Variants in ABTB3 observed in about 807,000 individuals in gnomAD.
ABTB3 encodes the protein ankyrin repeat and BTB domain containing 3, also known as ankyrin repeat- and BTB/POZ domain-containing protein 3.
the ABTB3 span, among the ~76,000 whole-genome samples, chr12:107,462,580 C>T: frequency 4.7e-5 from 7 of 150,060 alleles, no homozygotes; most frequent in East Asian, 6.0e-4. Flanking sequence ...ATAATGGTGG[C>T]GATAGTGATT....
chr12:107,395,323 C>T, the ABTB3 span, among the ~76,000 whole-genome samples: 813 of 152,294 alleles, frequency 5.3e-3, 10 homozygotes, highest in African/African-American at 0.019. Context: ...CCATGCTGAT[C>T]TTGGCCTCCC....
the ABTB3 span, among the ~76,000 whole-genome samples, chr12:107,621,595 A>G: frequency 6.6e-6 from 1 of 152,238 alleles, no homozygotes; most frequent in Admixed American, 6.5e-5. Flanking sequence ...GAGGTATGAC[A>G]TACGTACAGA....
chr12:107,534,308 GA>G, the ABTB3 span, among the ~76,000 whole-genome samples: 1 of 151,060 alleles, frequency 6.6e-6, no homozygotes, highest in Non-Finnish European at 1.5e-5. Flanking sequence ...AGTGCTAAGA[GA>G]AAAGTTTATA....
the ABTB3 span, among the ~76,000 whole-genome samples, chr12:107,647,789 C>T: frequency 6.6e-6 from 1 of 152,206 alleles, no homozygotes; most frequent in African/African-American, 2.4e-5. Flanking sequence ...AGGCAGGTAA[C>T]ATTATCCCCA....
At chr12:107,429,871 C>T in the ABTB3 span, among the ~76,000 whole-genome samples, 2 of 152,248 alleles carry the variant, frequency 1.3e-5, no homozygotes, top group Non-Finnish European at 1.5e-5. Context: ...ACAAGCATAG[C>T]AGGCAGCACT....
the ABTB3 span, among the ~76,000 whole-genome samples, chr12:107,431,541 G>A: frequency 3.3e-5 from 5 of 152,106 alleles, no homozygotes; most frequent in Admixed American, 1.3e-4. Flanking sequence ...CCTGGGCGGC[G>A]GAGGTTGCAG....
the ABTB3 span, among the ~76,000 whole-genome samples, chr12:107,406,870 C>T: frequency 6.6e-6 from 1 of 152,252 alleles, no homozygotes; most frequent in South Asian, 2.1e-4. Flanking sequence ...GTGTATAAAG[C>T]CTAAACTCCC....
the ABTB3 span, among the ~76,000 whole-genome samples, chr12:107,476,835 A>G: frequency 6.7e-6 from 1 of 149,914 alleles, no homozygotes; most frequent in Non-Finnish European, 1.5e-5. Flanking sequence ...GTGTGTGTGT[A>G]TTTACTTGTA....
the ABTB3 span, among the ~76,000 whole-genome samples, chr12:107,639,428 G>A: frequency 6.6e-6 from 1 of 152,186 alleles, no homozygotes; most frequent in Non-Finnish European, 1.5e-5. Flanking sequence ...GGCCAAGAGT[G>A]GAGGCAGAGA....
the ABTB3 span, among the ~76,000 whole-genome samples, chr12:107,440,173 C>T: frequency 6.6e-6 from 1 of 152,228 alleles, no homozygotes; most frequent in Non-Finnish European, 1.5e-5. Context: ...GGTCAGCATC[C>T]ACCCTGAGCC....
the ABTB3 span, among the ~76,000 whole-genome samples, chr12:107,488,669 T>C: frequency 6.7e-6 from 1 of 149,688 alleles, no homozygotes; most frequent in East Asian, 1.9e-4. Flanking sequence ...TATGTATATA[T>C]ATATAAAATA....
chr12:107,414,701 C>T, the ABTB3 span, among the ~76,000 whole-genome samples: 2 of 151,524 alleles, frequency 1.3e-5, no homozygotes, highest in Non-Finnish European at 2.9e-5. Context: ...ACCATCCCCC[C>T]CTTTCTTTTC....
chr12:107,635,268 C>T, the ABTB3 span: 1 of 1,611,348 alleles, frequency 6.2e-7, no homozygotes. Flanking sequence ...TCATGACCTC[C>T]TCTTTCTTTT....
the ABTB3 span, among the ~76,000 whole-genome samples, chr12:107,534,613 C>A: frequency 6.6e-6 from 1 of 152,070 alleles, no homozygotes; most frequent in South Asian, 2.1e-4. Context: ...GGAGGCATTA[C>A]AACTGATACG....
chr12:107,430,974 T>A, the ABTB3 span, among the ~76,000 whole-genome samples: 1 of 152,238 alleles, frequency 6.6e-6, no homozygotes, highest in Non-Finnish European at 1.5e-5. Flanking sequence ...AAGATTATGT[T>A]TACTTTATAA....
chr12:107,574,087 G>A, the ABTB3 span, among the ~76,000 whole-genome samples: 5 of 152,220 alleles, frequency 3.3e-5, no homozygotes, highest in Non-Finnish European at 7.3e-5. Flanking sequence ...CAAGACTGAA[G>A]GGCTTCACAG....
the ABTB3 span, among the ~76,000 whole-genome samples, chr12:107,394,702 G>A: frequency 6.6e-6 from 1 of 152,192 alleles, no homozygotes; most frequent in Non-Finnish European, 1.5e-5. Flanking sequence ...GGGTTGTTTT[G>A]CTATTTAAAT....
the ABTB3 span, chr12:107,651,044 T>C: frequency 7.1e-6 from 1 of 140,096 alleles, no homozygotes; most frequent in African/African-American, 2.6e-5. Context: ...TCCTTTGAAC[T>C]CTTGCTCTTA....
the ABTB3 span, among the ~76,000 whole-genome samples, chr12:107,609,447 G>C: frequency 6.6e-6 from 1 of 152,170 alleles, no homozygotes. Flanking sequence ...GGGCTGGCTG[G>C]ATGACAAATT....
Sources: gnomAD v4.1 joint callset for allele counts (sites outside exome capture counted in the v4.1 genomes callset) on GRCh38, gnomAD v4.1.1 for gene constraint, MANE v1.5 for transcripts, NCBI Gene and HGNC (gene_info 2026-07-23, HGNC 2026-07-21) for gene names.